MTMR10: variants seen among roughly 807,000 people sequenced by gnomAD.
The protein encoded by MTMR10 is myotubularin-related protein 10.
A neutral mutation model predicts 88.1 loss-of-function variants in MTMR10; 56 were observed. That is an observed-to-expected ratio of 0.64 (90% CI 0.51 to 0.79). The LOEUF (loss-of-function observed/expected upper bound fraction) is 0.79, where lower values mean the gene tolerates loss of function less well. Ranked by LOEUF, MTMR10 falls within the 30% of genes least tolerant of loss-of-function variation. The pLI, the probability that MTMR10 is intolerant of heterozygous loss-of-function variation, is 0.00. For missense variants in MTMR10, 883 were observed against 924.7 expected (o/e 0.95, Z 0.58); for synonymous variants, 380 against 340.9 (o/e 1.11, Z -1.26).
the MTMR10 span, among the ~76,000 whole-genome samples, chr15:30,929,837 A>ATCATAT: frequency 2.6e-5 from 2 of 76,912 alleles, 1 homozygote; most frequent in African/African-American, 1.6e-4. Context: ...TATATAATAT[A>ATCATAT]ATATATAAAA....
chr15:30,955,021 C>CTTT, intron 9 of MTMR10, 128 bp from the exon 10 acceptor site: 10 of 578,660 alleles, frequency 1.7e-5, no homozygotes, highest in South Asian at 4.9e-5. Flanking sequence ...ATGGAGTTTA[C>CTTT]TTTTTTTTTT....
chr15:30,954,984 A>T, intron 9 of MTMR10, 91 bp from the exon 10 acceptor site: 1 of 1,149,860 alleles, frequency 8.7e-7, no homozygotes, highest in Non-Finnish European at 1.2e-6. Flanking sequence ...TAGAGAGAGG[A>T]ATGAGACAGG....
intron 9 of MTMR10, 119 bp downstream of exon 9, chr15:30,958,744 A>T (rs1211729335): frequency 1.9e-5 from 19 of 1,009,956 alleles, no homozygotes; most frequent in Non-Finnish European, 2.8e-5. Flanking sequence ...CTTATATAAA[A>T]CATGGTGCTA....
At chr15:30,925,622 C>T in the MTMR10 span, among the ~76,000 whole-genome samples, 3 of 152,342 alleles carry the variant, frequency 2.0e-5, no homozygotes, top group African/African-American at 7.2e-5. Flanking sequence ...GCCGGACCAG[C>T]GAACTGTCAC....
At chr15:30,938,810 A>G (rs917867068), downstream of MTMR10, 16 of 679,062 alleles carry the variant, frequency 2.4e-5, no homozygotes, top group Non-Finnish European at 2.9e-5. Context: ...AAAGTTACTG[A>G]TCACTACCTG....
At chr15:30,928,830 A>G in the MTMR10 span, 2 of 962,888 alleles carry the variant, frequency 2.1e-6, no homozygotes, top group Admixed American at 1.2e-4. Flanking sequence ...AGAATTTAAG[A>G]TGTAAGTATG....
At chr15:30,976,728 T>C (rs552320480) in intron 3 of MTMR10, 91 bp downstream of exon 3, 13 of 1,386,112 alleles carry the variant, frequency 9.4e-6, no homozygotes, top group Admixed American at 4.8e-5. Flanking sequence ...ACTTCTACTA[T>C]AACTTTTCCA....
In MTMR10 at chr15:30,946,450, G is replaced by A. The variant is rs184112493; in HGVS notation, c.1548+680C>T. On this transcript the variant is annotated intron_variant, in intron 14 of 15. Coordinates refer to ENST00000435680, the MANE Select transcript of MTMR10 (RefSeq NM_017762.3). ...ACCAGGGCCAGAACTCAGGTTTCCC[G>A]CTCCCTAGGTCACACTGCCTAGCCC... The A allele has an allele frequency of 3.7e-3, 1,195 of 324,998 alleles. 5 individuals carry two copies. The highest frequency in any genetic ancestry group is 4.0e-3 in the Non-Finnish European group (723 of 178,622). The allele number at this position is 324,998 out of a possible 1,614,324, so 20.1% of individuals were successfully genotyped here. A position where few individuals can be genotyped will look rare whatever the true frequency, so the allele number is the denominator to read the frequency against.
At chr15:30,950,981 G>A (rs2063236929) in intron 12 of MTMR10, among the ~76,000 whole-genome samples, 1 of 152,148 alleles carries the variant, frequency 6.6e-6, no homozygotes, top group Non-Finnish European at 1.5e-5. Flanking sequence ...AAAAAAGTCT[G>A]TTCATGTTCA....
At chr15:30,932,879 A>ATT in the MTMR10 span, among the ~76,000 whole-genome samples, 1,656 of 139,348 alleles carry the variant, frequency 0.012, 41 homozygotes, top group Admixed American at 0.044. Flanking sequence ...TGCCTGGATA[A>ATT]TTTTTTTTTT....
At chr15:30,923,350 T>C in the MTMR10 span, among the ~76,000 whole-genome samples, 1 of 152,178 alleles carries the variant, frequency 6.6e-6, no homozygotes, top group Non-Finnish European at 1.5e-5. Flanking sequence ...AGAAAGCTTG[T>C]GTTTCTGTCG....
Position 30,974,458 on chromosome 15 carries a change from TA to T in MTMR10, c.332-3del. 1 of 1,510,040 alleles carries T rather than the reference TA, an allele frequency of 6.6e-7. No individual in the cohort carries two copies. Among genetic ancestry groups the T allele is most frequent in the East Asian group, 2.3e-5 (1 of 42,812 alleles). 93.5% of individuals were successfully genotyped at this position (1,510,040 alleles called of 1,614,324 possible). A position where few individuals can be genotyped will look rare whatever the true frequency, so the allele number is the denominator to read the frequency against. On this transcript the variant is annotated splice_polypyrimidine_tract_variant and splice_region_variant and intron_variant, in intron 4 of 15. Coordinates refer to ENST00000435680, the MANE Select transcript of MTMR10 (RefSeq NM_017762.3). ...TCTGCTTCCTCTTGTGGTCGTTTAC[TA>T]AAAAAGAAAAAAAAATAGAGAAAAT... is the stretch of plus-strand genomic sequence containing the variant.
At chr15:30,978,114 T>C (rs972143310) in intron 2 of MTMR10, among the ~76,000 whole-genome samples, 1 of 152,344 alleles carries the variant, frequency 6.6e-6, no homozygotes, top group Non-Finnish European at 1.5e-5. Flanking sequence ...TCATGGAATA[T>C]TCTTTTCTTC....
chr15:30,936,887 C>CA (rs571587759), downstream of MTMR10, among the ~76,000 whole-genome samples: 90 of 152,284 alleles, frequency 5.9e-4, no homozygotes, highest in Admixed American at 2.3e-3. Flanking sequence ...GATCAACACT[C>CA]AGAGTATGGT....
chr15:30,954,716 C>T (rs558510895), intron 10 of MTMR10, 47 bp downstream of exon 10: 13 of 1,504,424 alleles, frequency 8.6e-6, no homozygotes, highest in Non-Finnish European at 5.3e-6. Flanking sequence ...TCTCATGCAA[C>T]TCTGTATCCT....
At position 30,941,106 on chromosome 15, in the gene MTMR10, A is replaced by T; in HGVS notation, c.*364T>A. 1.6e-6 allele frequency: 2 copies of T among 1,237,520 alleles called. No individual in the cohort carries two copies. The highest frequency in any genetic ancestry group is 2.1e-6 in the Non-Finnish European group (2 of 967,374). The allele number at this position is 1,237,520 out of a possible 1,614,324, so 76.7% of individuals were successfully genotyped here. On this transcript the variant is annotated 3_prime_UTR_variant, in exon 16 of 16. Coordinates refer to ENST00000435680, the MANE Select transcript of MTMR10 (RefSeq NM_017762.3). ...GCTCCTAAAAATGACACGAAACACA[A>T]ATTTCCTAACTTTCCTGTTGTCTGC...
At chr15:30,925,191 T>C in the MTMR10 span, 1 of 1,614,042 alleles carries the variant, frequency 6.2e-7, no homozygotes, top group East Asian at 2.2e-5. Context: ...CGCCTTTCAC[T>C]GTATCAGCGA....
At chr15:30,972,995 A>C (rs142972010) in intron 5 of MTMR10, among the ~76,000 whole-genome samples, 2 of 152,314 alleles carry the variant, frequency 1.3e-5, no homozygotes, top group African/African-American at 4.8e-5. Context: ...GAGATGCTAC[A>C]CATCTTAAGG....
intron 6 of MTMR10, among the ~76,000 whole-genome samples, chr15:30,965,235 T>A (rs1228430433): frequency 6.6e-6 from 1 of 152,234 alleles, no homozygotes; most frequent in African/African-American, 2.4e-5. Flanking sequence ...ATGGATTGTG[T>A]ACCTTGTGTT....
Sources: gnomAD v4.1 joint callset for allele counts (sites outside exome capture counted in the v4.1 genomes callset) on GRCh38, gnomAD v4.1.1 for gene constraint, MANE v1.5 for transcripts, NCBI Gene and HGNC (gene_info 2026-07-23, HGNC 2026-07-21) for gene names.